AP3B1: variants seen among roughly 807,000 people sequenced by gnomAD.
The protein encoded by AP3B1 is adaptor related protein complex 3 subunit beta 1.
Under a neutral mutation model 132.5 loss-of-function variants are expected in AP3B1, and 61 were observed. The ratio of observed to expected loss-of-function variants is 0.46; its 90% CI spans 0.37 to 0.57. AP3B1 has a LOEUF of 0.57. Ranked by LOEUF, AP3B1 falls within the 20% of genes least tolerant of loss-of-function variation. The pLI is 0.00. For synonymous variants in AP3B1, 388 were observed against 438.3 expected, an observed-to-expected ratio of 0.89 and a Z score of 1.43; for missense variants, 1,120 against 1,289.4, an observed-to-expected ratio of 0.87 and a Z score of 2.01.
At chr5:78,192,123 G>A (rs1744861065) in intron 7 of AP3B1, among the ~76,000 whole-genome samples, 1 of 151,736 alleles carries the variant, frequency 6.6e-6, no homozygotes, top group Non-Finnish European at 1.5e-5. Flanking sequence ...GCTTCCCAAA[G>A]TGCTGGGATT....
At chr5:78,087,746 A>G (rs1750324490) in intron 22 of AP3B1, 1 of 951,410 alleles carries the variant, frequency 1.1e-6, no homozygotes, top group African/African-American at 1.8e-5. Flanking sequence ...ATGAATGAAA[A>G]TTTACTACAA....
intron 22 of AP3B1, among the ~76,000 whole-genome samples, chr5:78,074,714 T>C (rs1165226655): frequency 2.0e-5 from 3 of 152,136 alleles, no homozygotes; most frequent in Non-Finnish European, 4.4e-5. Flanking sequence ...TTTGGGAGGC[T>C]GAGACAGGTG....
intron 26 of AP3B1, among the ~76,000 whole-genome samples, chr5:78,010,069 G>T (rs1580233875): frequency 6.6e-6 from 1 of 152,176 alleles, no homozygotes; most frequent in East Asian, 1.9e-4. Context: ...ACTGCTGAAA[G>T]ACATACACAG....
intron 22 of AP3B1, among the ~76,000 whole-genome samples, chr5:78,065,398 T>G (rs760740675): frequency 1.1e-4 from 17 of 152,036 alleles, no homozygotes; most frequent in Non-Finnish European, 2.2e-4. Flanking sequence ...TGTGGCTGCC[T>G]GCTGCCTAAG....
At chr5:78,024,317 G>C (rs1450771166) in intron 24 of AP3B1, among the ~76,000 whole-genome samples, 2 of 152,138 alleles carry the variant, frequency 1.3e-5, no homozygotes, top group Non-Finnish European at 2.9e-5. Flanking sequence ...TCCAAAGTCA[G>C]AGGCACAAGA....
rs1015554129 is a variant in AP3B1, at chr5:78,130,754, G to C, written c.1651-1447C>G. Among the ~76,000 whole-genome samples, 12 of 152,042 alleles carry C rather than the reference G, an allele frequency of 7.9e-5. No individual in the cohort carries two copies. The South Asian group carries it at 1.2e-3, about 16-fold the overall frequency. On this transcript the variant is annotated intron_variant, in intron 15 of 26. Coordinates refer to ENST00000255194, the MANE Select transcript of AP3B1 (RefSeq NM_003664.5). ...ACCTGGGAAATCCACTTAATCATTA[G>C]TTTTCTCAAATGTGGAGTTAGAATT...
At chr5:78,243,330 C>G (rs896838792) in intron 2 of AP3B1, among the ~76,000 whole-genome samples, 1 of 152,178 alleles carries the variant, frequency 6.6e-6, no homozygotes, top group Non-Finnish European at 1.5e-5. Context: ...AGTCAGACAT[C>G]CTGTCCTATG....
intron 14 of AP3B1, among the ~76,000 whole-genome samples, chr5:78,154,341 A>G (rs1216353866): frequency 6.6e-6 from 1 of 151,974 alleles, no homozygotes; most frequent in African/African-American, 2.4e-5. Flanking sequence ...CTTCAATTGC[A>G]TGTTGTTTCT....
At chr5:78,287,109 T>C (rs1749314115) in intron 1 of AP3B1, among the ~76,000 whole-genome samples, 1 of 152,240 alleles carries the variant, frequency 6.6e-6, no homozygotes, top group African/African-American at 2.4e-5. Flanking sequence ...ACCAACCATC[T>C]GTCTGCCTTT....
At chr5:78,028,624 T>C (rs1747441534) in intron 24 of AP3B1, among the ~76,000 whole-genome samples, 1 of 152,162 alleles carries the variant, frequency 6.6e-6, no homozygotes. Flanking sequence ...TGATATTTCA[T>C]GTGGCTATGG....
At chr5:78,106,238 G>A (rs181891681) in intron 20 of AP3B1, among the ~76,000 whole-genome samples, 25 of 151,794 alleles carry the variant, frequency 1.6e-4, no homozygotes, top group Non-Finnish European at 2.4e-4. Flanking sequence ...TGGGTGGATC[G>A]CTTGAGCCCA....
chr5:78,274,056 G>A (rs1459825432), intron 1 of AP3B1, among the ~76,000 whole-genome samples: 7 of 146,172 alleles, frequency 4.8e-5, no homozygotes, highest in African/African-American at 1.7e-4. Flanking sequence ...AAAAAACCAG[G>A]AGCAGATCCA....
chr5:78,277,618 G>C (rs1238676153), intron 1 of AP3B1, among the ~76,000 whole-genome samples: 2 of 152,108 alleles, frequency 1.3e-5, no homozygotes, highest in South Asian at 2.1e-4. Context: ...AACAGAGCAA[G>C]AACAAGCTTG....
intron 17 of AP3B1, among the ~76,000 whole-genome samples, chr5:78,118,611 C>A (rs1442614685): frequency 6.6e-6 from 1 of 152,194 alleles, no homozygotes; most frequent in Non-Finnish European, 1.5e-5. Context: ...TGCAAGGCGG[C>A]AGTGAGGCTG....
At chr5:78,089,267 T>C in intron 22 of AP3B1, 126 bp downstream of exon 22, 1 of 733,040 alleles carries the variant, frequency 1.4e-6, no homozygotes, top group Admixed American at 2.5e-5. Flanking sequence ...CTTAGCTAAA[T>C]TGGGCTTGTT....
chr5:78,237,201 G>A (rs1187709993), intron 3 of AP3B1, among the ~76,000 whole-genome samples: 3 of 152,090 alleles, frequency 2.0e-5, no homozygotes, highest in Non-Finnish European at 2.9e-5. Context: ...CCTATCTAAT[G>A]AAAAAAATTA....
intron 17 of AP3B1, among the ~76,000 whole-genome samples, chr5:78,124,262 T>A (rs2112289641): frequency 6.6e-6 from 1 of 152,290 alleles, no homozygotes; most frequent in African/African-American, 2.4e-5. Context: ...GACGAGTTAA[T>A]GGGTGCAGCA....
intron 6 of AP3B1, among the ~76,000 whole-genome samples, chr5:78,220,548 C>A (rs1267360176): frequency 2.6e-5 from 4 of 151,518 alleles, no homozygotes; most frequent in Non-Finnish European, 5.9e-5. Context: ...CGAAAATCAA[C>A]AACAGAAAGA....
At chr5:78,046,088 A>T (rs1400356145) in intron 22 of AP3B1, among the ~76,000 whole-genome samples, 1 of 152,198 alleles carries the variant, frequency 6.6e-6, no homozygotes, top group East Asian at 1.9e-4. Flanking sequence ...CAAATGTTAG[A>T]TCCTTGCCAT....
Sources: gnomAD v4.1 joint callset for allele counts (sites outside exome capture counted in the v4.1 genomes callset) on GRCh38, gnomAD v4.1.1 for gene constraint, MANE v1.5 for transcripts, NCBI Gene and HGNC (gene_info 2026-07-23, HGNC 2026-07-21) for gene names.